CNBD1: variants seen among roughly 807,000 people sequenced by gnomAD.
CNBD1 encodes the protein cyclic nucleotide-binding domain-containing protein 1.
CNBD1 carries 71 observed loss-of-function variants against 54.4 expected under a neutral mutation model. The ratio of observed to expected loss-of-function variants is 1.30; its 90% CI spans 1.08 to 1.59. The LOEUF (loss-of-function observed/expected upper bound fraction) is 1.59, where lower values mean the gene tolerates loss of function less well. Ranked by LOEUF, CNBD1 falls within the 40% of genes most tolerant of loss-of-function variation. CNBD1 has a pLI of 0.00. For synonymous variants in CNBD1, 182 were observed against 170.7 expected, an observed-to-expected ratio of 1.07 and a Z score of -0.51; for missense variants, 659 against 518.0, an observed-to-expected ratio of 1.27 and a Z score of -2.64.
chr8:87,148,518 C>T (rs1812535768), intron 4 of CNBD1, among the ~76,000 whole-genome samples: 1 of 152,066 alleles, frequency 6.6e-6, no homozygotes, highest in Non-Finnish European at 1.5e-5. Flanking sequence ...TATGAAGAGG[C>T]AGAATTAGAT....
At chr8:87,073,744 G>A (rs1810806956) in intron 4 of CNBD1, among the ~76,000 whole-genome samples, 1 of 152,140 alleles carries the variant, frequency 6.6e-6, no homozygotes, top group Non-Finnish European at 1.5e-5. Flanking sequence ...TGTAGGAGGT[G>A]TCTGGAGGCC....
chr8:86,926,767 A>G (rs1809368066), intron 3 of CNBD1, among the ~76,000 whole-genome samples: 1 of 152,180 alleles, frequency 6.6e-6, no homozygotes, highest in African/African-American at 2.4e-5. Flanking sequence ...GGGATTGCAG[A>G]GTAAGGACAG....
intron 4 of CNBD1, among the ~76,000 whole-genome samples, chr8:86,963,454 C>A (rs1807987906): frequency 6.6e-6 from 1 of 152,134 alleles, no homozygotes; most frequent in Non-Finnish European, 1.5e-5. Flanking sequence ...GAAAAAGGTG[C>A]CTCAGGGGGG....
intron 4 of CNBD1, among the ~76,000 whole-genome samples, chr8:87,168,343 T>C (rs1417124188): frequency 6.6e-6 from 1 of 152,056 alleles, no homozygotes; most frequent in Admixed American, 6.6e-5. Context: ...ATGAGATATT[T>C]TGACACAGGC....
At chr8:87,267,005 T>C (rs1166020024) in intron 6 of CNBD1, among the ~76,000 whole-genome samples, 6 of 151,860 alleles carry the variant, frequency 4.0e-5, no homozygotes, top group African/African-American at 9.7e-5. Context: ...AAGGAAACTA[T>C]ATTGATACCT....
intron 8 of CNBD1, among the ~76,000 whole-genome samples, chr8:87,315,961 A>T (rs551067266): frequency 5.7e-4 from 86 of 152,150 alleles, no homozygotes; most frequent in Admixed American, 2.6e-3. Context: ...ATATCACATG[A>T]TGTGCCCCAT....
At chr8:87,408,199 A>G (rs1807682352) in intron 2 of CNBD1, among the ~76,000 whole-genome samples, 1 of 150,296 alleles carries the variant, frequency 6.7e-6, no homozygotes. Context: ...TCTGCTTATT[A>G]TCTCCTTTCT....
At chr8:87,064,223 A>G (rs1026890270) in intron 4 of CNBD1, among the ~76,000 whole-genome samples, 1 of 152,026 alleles carries the variant, frequency 6.6e-6, no homozygotes, top group Admixed American at 6.5e-5. Flanking sequence ...ATTTGCCAAT[A>G]TTCCTAACAT....
intron 4 of CNBD1, among the ~76,000 whole-genome samples, chr8:87,019,824 G>T (rs2130574552): frequency 1.3e-5 from 2 of 152,250 alleles, no homozygotes; most frequent in South Asian, 4.1e-4. Context: ...GTTGCAGTGA[G>T]CCGAGATTGC....
At chr8:87,158,829 C>A (rs754877009) in intron 4 of CNBD1, among the ~76,000 whole-genome samples, 1 of 152,112 alleles carries the variant, frequency 6.6e-6, no homozygotes, top group Non-Finnish European at 1.5e-5. Context: ...ACAAAGACAG[C>A]AAGCAAGAAC....
At chr8:87,020,996 T>C (rs57205359) in intron 4 of CNBD1, among the ~76,000 whole-genome samples, 28,690 of 152,114 alleles carry the variant, frequency 0.19, 2,754 homozygotes, top group African/African-American at 0.21. Context: ...CCTCAACCAA[T>C]TGTCAACCAG....
intron 4 of CNBD1, among the ~76,000 whole-genome samples, chr8:86,982,623 T>C (rs1259877746): frequency 6.6e-6 from 1 of 152,250 alleles, no homozygotes; most frequent in Non-Finnish European, 1.5e-5. Context: ...TTCTGAATTA[T>C]ATTTTATGTT....
chr8:87,300,572 A>G (rs1297107172), intron 8 of CNBD1, among the ~76,000 whole-genome samples: 1 of 152,168 alleles, frequency 6.6e-6, no homozygotes, highest in Non-Finnish European at 1.5e-5. Flanking sequence ...ATATAAAATG[A>G]CATATATAGC....
intron 8 of CNBD1, among the ~76,000 whole-genome samples, chr8:87,338,545 T>G (rs940615632): frequency 6.6e-6 from 1 of 152,054 alleles, no homozygotes; most frequent in Non-Finnish European, 1.5e-5. Context: ...ATGCATGATT[T>G]CTGAGAAGTC....
Position 87,325,154 on chromosome 8 carries a change from T to A in CNBD1, c.1043-26531T>A, listed in dbSNP as rs1311815509. ...ATCCTGAGTTCTAGTTTGATTTCAC[T>A]GTGGTCTGAGAGATAGTTTGTTATA... is the stretch of plus-strand genomic sequence containing the variant. On this transcript the variant is annotated intron_variant, in intron 8 of 10. Coordinates refer to ENST00000518476, the MANE Select transcript of CNBD1 (RefSeq NM_173538.3). 2.1e-5 allele frequency among the ~76,000 whole-genome samples: 2 copies of A among 95,668 alleles called. 1 individual carries two copies. Among genetic ancestry groups the A allele is most frequent in the Admixed American group, 1.8e-4 (2 of 11,058 alleles). The allele number at this position is 95,668 out of a possible 152,430, so 62.8% of individuals were successfully genotyped here. A position where few individuals can be genotyped will look rare whatever the true frequency, so the allele number is the denominator to read the frequency against.
At chr8:87,354,590 T>A (rs527797396) in intron 10 of CNBD1, among the ~76,000 whole-genome samples, 1 of 151,722 alleles carries the variant, frequency 6.6e-6, no homozygotes, top group African/African-American at 2.4e-5. Flanking sequence ...TGGTGTGTGA[T>A]GTTCCCCTTC....
At chr8:87,348,550 GA>G (rs1810219607) in intron 8 of CNBD1, among the ~76,000 whole-genome samples, 1 of 152,104 alleles carries the variant, frequency 6.6e-6, no homozygotes, top group South Asian at 2.1e-4. Flanking sequence ...TTTACAAGGA[GA>G]GGAATCCATT....
intron 8 of CNBD1, among the ~76,000 whole-genome samples, chr8:87,329,545 C>A (rs1053199218): frequency 1.3e-5 from 2 of 151,986 alleles, no homozygotes; most frequent in Non-Finnish European, 2.9e-5. Context: ...TATAATATCT[C>A]TCCAGTTATA....
At chr8:87,157,619 T>C (rs1288834743) in intron 4 of CNBD1, among the ~76,000 whole-genome samples, 2 of 152,100 alleles carry the variant, frequency 1.3e-5, no homozygotes, top group East Asian at 1.9e-4. Context: ...CCCTTCTCCA[T>C]CCCCTTTTGA....
Sources: gnomAD v4.1 joint callset for allele counts (sites outside exome capture counted in the v4.1 genomes callset) on GRCh38, gnomAD v4.1.1 for gene constraint, MANE v1.5 for transcripts, NCBI Gene and HGNC (gene_info 2026-07-23, HGNC 2026-07-21) for gene names.